Variants in SYCE3 observed in about 807,000 individuals in gnomAD.
SYCE3 encodes testis highly expressed gene 2 protein.
In SYCE3, 3 loss-of-function variants were observed where a neutral mutation model predicts 8.1. The observed-to-expected ratio is 0.37, with a 90% CI of 0.17 to 0.96. The LOEUF (loss-of-function observed/expected upper bound fraction) is 0.96, where lower values mean the gene tolerates loss of function less well. Ranked by LOEUF, SYCE3 falls within the 40% of genes least tolerant of loss-of-function variation. SYCE3 has a pLI of 0.41. For synonymous variants in SYCE3, 36 were observed against 38.7 expected (o/e 0.93, Z 0.26); for missense variants, 83 against 110.0 (o/e 0.75, Z 1.10).
At chr22:50,557,016 A>G (rs901224022) in intron 1 of SYCE3, among the ~76,000 whole-genome samples, 1 of 152,196 alleles carries the variant, frequency 6.6e-6, no homozygotes, top group Non-Finnish European at 1.5e-5. Flanking sequence ...TCTCCTGGGC[A>G]TTAGAGGCAG....
chr22:50,552,756 C>G (rs1490433582), intron 2 of SYCE3, among the ~76,000 whole-genome samples: 1 of 152,092 alleles, frequency 6.6e-6, no homozygotes, highest in African/African-American at 2.4e-5. Flanking sequence ...TAACCCCCGA[C>G]GTGATGGTAT....
At chr22:50,552,903 C>T (rs1395105595) in intron 2 of SYCE3, among the ~76,000 whole-genome samples, 1 of 152,042 alleles carries the variant, frequency 6.6e-6, no homozygotes, top group African/African-American at 2.4e-5. Context: ...TGTGAGGATA[C>T]AAGAAGGTGG....
chr22:50,561,226 T>G (rs1312643219), intron 1 of SYCE3, among the ~76,000 whole-genome samples: 5 of 151,940 alleles, frequency 3.3e-5, no homozygotes, highest in Non-Finnish European at 5.9e-5. Context: ...TTTCTATAAG[T>G]GGGGCGTTGG....
chr22:50,556,214 A>T, intron 2 of SYCE3, 83 bp downstream of exon 2: 1 of 938,338 alleles, frequency 1.1e-6, no homozygotes, highest in Non-Finnish European at 1.6e-6. Flanking sequence ...GCTGTGTCAC[A>T]GGTGCATCTT....
chr22:50,561,242 C>T (rs1022982726), intron 1 of SYCE3, among the ~76,000 whole-genome samples: 2 of 151,942 alleles, frequency 1.3e-5, no homozygotes, highest in African/African-American at 4.8e-5. Context: ...GTTGGGGTGG[C>T]CACAGGTAGA....
At chr22:50,555,884 CCCGGGTTCATGCCATTCTCCT>C (rs770832705) in intron 2 of SYCE3, among the ~76,000 whole-genome samples, 15 of 151,704 alleles carry the variant, frequency 9.9e-5, no homozygotes, top group Non-Finnish European at 2.1e-4. Context: ...AGCTCCACCT[CCCGGGTTCATGCCATTCTCCT>C]GCCTCAGCCT....
intron 1 of SYCE3, among the ~76,000 whole-genome samples, chr22:50,558,745 G>A (rs2069885204): frequency 6.6e-6 from 1 of 152,154 alleles, no homozygotes; most frequent in Non-Finnish European, 1.5e-5. Context: ...AGGAAGAAAT[G>A]TCCAGAACAC....
At chr22:50,559,844 C>T (rs942773152) in intron 1 of SYCE3, among the ~76,000 whole-genome samples, 5 of 152,182 alleles carry the variant, frequency 3.3e-5, no homozygotes, top group Admixed American at 2.0e-4. Context: ...AGAAGAATCC[C>T]TTGAACCCAG....
chr22:50,554,566 C>T (rs1182404385), intron 2 of SYCE3, among the ~76,000 whole-genome samples: 4 of 151,778 alleles, frequency 2.6e-5, no homozygotes, highest in South Asian at 2.1e-4. Flanking sequence ...TGGTGGCAGG[C>T]GCCTGTAATC....
chr22:50,551,542 A>G (rs2069809527), intron 2 of SYCE3, 140 bp from the exon 3 acceptor site: 5 of 861,786 alleles, frequency 5.8e-6, no homozygotes, highest in Admixed American at 5.8e-5. Flanking sequence ...CTCTAGGGAG[A>G]GACAGCTGGT....
chr22:50,551,692 G>C (rs1158827839), intron 2 of SYCE3, among the ~76,000 whole-genome samples: 2 of 152,240 alleles, frequency 1.3e-5, no homozygotes, highest in Non-Finnish European at 2.9e-5. Context: ...AATGTGAGGA[G>C]AATTAGAGCA....
In SYCE3 at chr22:50,551,115, G is replaced by T; in HGVS notation, c.*130C>A. On this transcript the variant is annotated 3_prime_UTR_variant, in exon 3 of 3. Coordinates refer to ENST00000406915, the MANE Select transcript of SYCE3 (RefSeq NM_001123225.3). ...AGGAGAGAAGAGGTCCTCGGGCTGTGCTTAAAAATAAGTTTATTAAGAAAC... is the reference window on the plus strand; with the variant it reads ...AGGAGAGAAGAGGTCCTCGGGCTGTTCTTAAAAATAAGTTTATTAAGAAAC... 1.6e-6 allele frequency: 2 copies of T among 1,223,170 alleles called. No individual in the cohort carries two copies. The highest frequency in any genetic ancestry group is 2.3e-6 in the Non-Finnish European group (2 of 885,688). 75.8% of individuals were successfully genotyped at this position (1,223,170 alleles called of 1,614,324 possible). A position where few individuals can be genotyped will look rare whatever the true frequency, so the allele number is the denominator to read the frequency against.
At position 50,554,950 on chromosome 22, in the gene SYCE3, G is replaced by A. The variant is rs767466645; in HGVS notation, c.109+1347C>T. Among the ~76,000 whole-genome samples, 68 of 151,292 alleles carry A rather than the reference G, an allele frequency of 4.5e-4. 1 individual carries two copies. The highest frequency in any genetic ancestry group is 7.7e-4 in the Non-Finnish European group (52 of 67,870). ...ATCCTGGCTAACACAGTGAAACCCC[G>A]TCTCTACTAAAAATACAAAAAATTA... On this transcript the variant is annotated intron_variant, in intron 2 of 2. Coordinates refer to ENST00000406915, the MANE Select transcript of SYCE3 (RefSeq NM_001123225.3).
At chr22:50,554,025 C>T (rs111857192) in intron 2 of SYCE3, among the ~76,000 whole-genome samples, 12,676 of 151,786 alleles carry the variant, frequency 0.084, 1,175 homozygotes, top group African/African-American at 0.23. Context: ...AACTCCATCT[C>T]TACTAAAAAT....
At chr22:50,558,984 C>A (rs570849091) in intron 1 of SYCE3, among the ~76,000 whole-genome samples, 3 of 152,314 alleles carry the variant, frequency 2.0e-5, no homozygotes, top group African/African-American at 7.2e-5. Context: ...TCAAAATTCT[C>A]TTCTCTTGAT....
chr22:50,560,323 C>CA (rs1193245937), intron 1 of SYCE3, among the ~76,000 whole-genome samples: 4 of 151,930 alleles, frequency 2.6e-5, no homozygotes, highest in East Asian at 1.9e-4. Context: ...ACAGTCTCTA[C>CA]AAAAAAATTT....
In SYCE3 at chr22:50,562,848, C is replaced by G. The variant is rs1415606931; in HGVS notation, c.-1+10G>C. The stretch of plus-strand genomic sequence containing the variant: ...AGGGCCGGGGCCCAGGGGGGCGCGG[C>G]CTCGCTCACCTCCAGCTTGGCCCGC... On this transcript the variant is annotated intron_variant, in intron 1 of 2. Coordinates refer to ENST00000406915, the MANE Select transcript of SYCE3 (RefSeq NM_001123225.3). 2 of 152,132 alleles carry G rather than the reference C, an allele frequency of 1.3e-5. No homozygotes were observed. The highest frequency in any genetic ancestry group is 2.9e-5 in the Non-Finnish European group (2 of 68,056). 9.4% of individuals were successfully genotyped at this position (152,132 alleles called of 1,614,324 possible).
At chr22:50,560,416 T>C (rs2146599122) in intron 1 of SYCE3, among the ~76,000 whole-genome samples, 1 of 152,272 alleles carries the variant, frequency 6.6e-6, no homozygotes, top group African/African-American at 2.4e-5. Context: ...CACAGCACTC[T>C]AGACTAGGCT....
chr22:50,554,085 C>T (rs1225267081), intron 2 of SYCE3, among the ~76,000 whole-genome samples: 3 of 151,640 alleles, frequency 2.0e-5, no homozygotes, highest in African/African-American at 7.3e-5. Context: ...GTCCCAGCTA[C>T]TCGGGAGGCT....
Sources: allele counts gnomAD v4.1 joint callset (sites outside exome capture counted in the v4.1 genomes callset), GRCh38; gene constraint gnomAD v4.1.1; transcripts MANE v1.5; gene names NCBI Gene and HGNC (gene_info 2026-07-23, HGNC 2026-07-21).